Variants in TGFB3 observed in about 807,000 individuals in gnomAD.
TGFB3 encodes transforming growth factor beta 3.
A neutral mutation model predicts 40.1 loss-of-function variants in TGFB3; 5 were observed. The ratio of observed to expected loss-of-function variants is 0.12; its 90% CI spans 0.07 to 0.26. The LOEUF (loss-of-function observed/expected upper bound fraction) is 0.26, where lower values mean the gene tolerates loss of function less well. TGFB3 is among the 10% of genes least tolerant of loss of function. The pLI, the probability that TGFB3 is intolerant of heterozygous loss-of-function variation, is 1.00. For missense variants in TGFB3, 373 were observed against 530.1 expected (o/e 0.70, Z 2.91); for synonymous variants, 184 against 205.6 (o/e 0.89, Z 0.90).
At chr14:75,977,656 CAAAAA>C (rs1196922250) in intron 1 of TGFB3, among the ~76,000 whole-genome samples, 1 of 67,362 alleles carries the variant, frequency 1.5e-5, no homozygotes, top group Non-Finnish European at 3.1e-5. Context: ...ATCTCCCGGG[CAAAAA>C]AAAAAAAAAA....
intron 3 of TGFB3, chr14:75,966,135 G>A (rs2035218353): frequency 3.7e-6 from 1 of 272,398 alleles, no homozygotes; most frequent in South Asian, 4.2e-5. Context: ...AGAGGCAGAG[G>A]GACTGGAAGA....
chr14:75,971,691 A>G lies in TGFB3; in HGVS notation c.380T>C (p.Ile127Thr), dbSNP rs1259454103. 6.2e-7 allele frequency: 1 copy of G among 1,614,234 alleles called. No individual in the cohort carries two copies. Residue 127 changes from isoleucine to threonine, a missense_variant, in exon 2 of 7, where the codon ATT (isoleucine) becomes ACT (threonine). Physicochemically the swap from Ile to Thr is moderately conservative, Grantham distance 89. Transcript: ENST00000238682. The surrounding 1 kb of genome is among the most constrained non-coding windows in gnomAD (Gnocchi z 4.5). ...HNELAVCPKG[I>T]TSKVFRFNVS... ...ATTGAAGCGGAAAACCTTGGAGGTA[A>G]TTCCTTTAGGGCAGACAGCCAGTTC...
rs535851929 is a variant in TGFB3 at position 75,980,394 on chromosome 14, A to G, written c.352+148T>C. ...TTCCCCACCCACCTCCCCAGCCCCA[A>G]CGGAGGAGCATCGCACATCCTGAGC... On this transcript the variant is annotated intron_variant, in intron 1 of 6. Transcript: ENST00000238682. The surrounding 1 kb of genome is among the most constrained non-coding windows in gnomAD (Gnocchi z 4.3). 9.3e-6 allele frequency: 8 copies of G among 861,468 alleles called. No homozygotes were observed. The highest frequency in any genetic ancestry group is 5.0e-5 in the African/African-American group (3 of 60,594). 53.4% of individuals were successfully genotyped at this position (861,468 alleles called of 1,614,324 possible).
intron 3 of TGFB3, among the ~76,000 whole-genome samples, chr14:75,969,639 G>A (rs1402377944): frequency 6.6e-6 from 1 of 152,208 alleles, no homozygotes; most frequent in Non-Finnish European, 1.5e-5. Context: ...GGCAGTGTGT[G>A]GGTAAGATAT....
At chr14:75,966,351 C>T (rs2035221382) in intron 3 of TGFB3, 1 of 159,760 alleles carries the variant, frequency 6.3e-6, no homozygotes, top group Non-Finnish European at 1.4e-5. Flanking sequence ...TGACTGTGGG[C>T]CTAGACAAAG....
At chr14:75,968,261 C>T (rs1023675370) in intron 3 of TGFB3, among the ~76,000 whole-genome samples, 1 of 152,158 alleles carries the variant, frequency 6.6e-6, no homozygotes, top group African/African-American at 2.4e-5. Flanking sequence ...TGGTTTGAAG[C>T]CATGAACTCT....
chr14:75,980,713 C>T lies in TGFB3; in HGVS notation c.181G>A (p.Val61Met). 1 of 1,614,188 alleles carries T rather than the reference C, an allele frequency of 6.2e-7. No individual in the cohort carries two copies. Among genetic ancestry groups the T allele is most frequent in the South Asian group, 1.1e-5 (1 of 91,088 alleles). The change falls in exon 1 of 7, where the codon GTG becomes ATG. Residue 61 changes from valine to methionine, a missense_variant. Val to Met is a conservative substitution (Grantham distance 21). Coordinates refer to ENST00000238682, the MANE Select transcript of TGFB3 (RefSeq NM_003239.5). The surrounding 1 kb of genome is among the most constrained non-coding windows in gnomAD (Gnocchi z 4.3). ...LRLTSPPEPT[V>M]MTHVPYQVLA... ...ACCTGATAGGGGACGTGGGTCATCA[C>T]CGTTGGCTCAGGGGGGCTGGTGAGC...
chr14:75,959,788 A>C (rs2035130920), intron 6 of TGFB3, among the ~76,000 whole-genome samples: 1 of 151,838 alleles, frequency 6.6e-6, no homozygotes, highest in South Asian at 2.1e-4. Flanking sequence ...AAAAAAAAAA[A>C]AACTGTTGGA....
At position 75,958,836 on chromosome 14, in the gene TGFB3, T is replaced by C; in HGVS notation, c.*351A>G. On this transcript the variant is annotated 3_prime_UTR_variant, in exon 7 of 7. Coordinates refer to ENST00000238682, the MANE Select transcript of TGFB3 (RefSeq NM_003239.5). ...GTCTGGCCCTGACCCAGCCATTCTC[T>C]GCCCTTCCTTCTCCCTTTAGGGTAG... is the stretch of plus-strand genomic sequence containing the variant. 5.5e-6 allele frequency: 2 copies of C among 363,218 alleles called. No individual in the cohort carries two copies. Among genetic ancestry groups the C allele is most frequent in the South Asian group, 4.4e-5 (2 of 45,286 alleles). The allele number at this position is 363,218 out of a possible 1,614,324, so 22.5% of individuals were successfully genotyped here.
intron 5 of TGFB3, 86 bp from the exon 6 acceptor site, chr14:75,961,162 T>C: frequency 6.7e-7 from 1 of 1,492,268 alleles, no homozygotes; most frequent in Non-Finnish European, 9.1e-7. Context: ...TCCCTTGGAG[T>C]CCTTTCATGC....
chr14:75,963,930 G>A (rs2035191139), intron 4 of TGFB3, among the ~76,000 whole-genome samples: 1 of 152,086 alleles, frequency 6.6e-6, no homozygotes, highest in Admixed American at 6.5e-5. Flanking sequence ...AGGCTGGAGT[G>A]CAGTGGCCCC....
In TGFB3 at chr14:75,965,577, CATTTT is replaced by C. The variant is rs1414628117; in HGVS notation, c.754+6_754+10del. The C allele has an allele frequency of 5.6e-6, 9 of 1,606,344 alleles. No homozygotes were observed. Among genetic ancestry groups the C allele is most frequent in the Non-Finnish European group, 7.7e-6 (9 of 1,172,946 alleles). ...ACTCACCCATCCTACCATACACATT[CATTTT>C]GTTACCTTTGAATTTGATTTCCATC... On this transcript the variant is annotated splice_donor_region_variant and intron_variant, in intron 4 of 6. Coordinates refer to ENST00000238682, the MANE Select transcript of TGFB3 (RefSeq NM_003239.5).
intron 1 of TGFB3, among the ~76,000 whole-genome samples, chr14:75,973,749 G>A (rs1036054343): frequency 4.0e-5 from 6 of 151,208 alleles, no homozygotes; most frequent in Admixed American, 3.3e-4. Flanking sequence ...TCTGTTTCAA[G>A]TAAATAAATA....
chr14:75,965,759 C>T (rs2035213783), intron 3 of TGFB3, 64 bp from the exon 4 acceptor site: 11 of 1,372,156 alleles, frequency 8.0e-6, no homozygotes, highest in Non-Finnish European at 1.1e-5. Flanking sequence ...GTGCCCACCA[C>T]CCATGCAAGG....
intron 6 of TGFB3, chr14:75,960,482 C>T: frequency 5.1e-6 from 1 of 194,726 alleles, no homozygotes; most frequent in South Asian, 1.0e-4. Context: ...TCTCGGCTAT[C>T]TCACTTTCTG....
At chr14:75,963,242 G>T in intron 5 of TGFB3, 74 bp downstream of exon 5, 1 of 1,574,996 alleles carries the variant, frequency 6.3e-7, no homozygotes, top group Non-Finnish European at 8.7e-7. Context: ...GTGTGGCTTG[G>T]CTCTGGGGCC....
intron 1 of TGFB3, among the ~76,000 whole-genome samples, chr14:75,976,352 G>C (rs545817870): frequency 1.3e-5 from 2 of 152,088 alleles, no homozygotes; most frequent in Non-Finnish European, 2.9e-5. Context: ...TGATTCTAAC[G>C]TGCAGCCAGG....
chr14:75,968,795 C>T lies in TGFB3; in HGVS notation c.646+2331G>A, dbSNP rs76037150. Among the ~76,000 whole-genome samples the T allele has an allele frequency of 1.4e-4, 21 of 152,276 alleles. No individual in the cohort carries two copies. In the East Asian group the frequency reaches 4.1e-3, roughly 29 times the overall value. On this transcript the variant is annotated intron_variant, in intron 3 of 6. Coordinates refer to ENST00000238682, the MANE Select transcript of TGFB3 (RefSeq NM_003239.5). ...GCCAACTCAGCCACTGGATAATTCC[C>T]CTTGGATGGGGAATTTTCTCATTTA...
Position 75,979,381 on chromosome 14 carries a change from T to C in TGFB3, c.352+1161A>G, listed in dbSNP as rs2035394057. Among the ~76,000 whole-genome samples the C allele has an allele frequency of 6.6e-6, 1 of 151,594 alleles. No individual in the cohort carries two copies. The highest frequency in any genetic ancestry group is 2.1e-4 in the South Asian group (1 of 4,798). ...CTCCATCCCATGCCCTCCACCCCAC[T>C]CCAGGAGCTGCCCACCTCCCAGGTG... On this transcript the variant is annotated intron_variant, in intron 1 of 6. Coordinates refer to ENST00000238682, the MANE Select transcript of TGFB3 (RefSeq NM_003239.5). The surrounding 1 kb of genome is among the most constrained non-coding windows in gnomAD (Gnocchi z 4.8).
Sources: allele counts gnomAD v4.1 joint callset (sites outside exome capture counted in the v4.1 genomes callset), GRCh38; gene constraint gnomAD v4.1.1; non-coding constraint Gnocchi (gnomAD v3.1); transcripts MANE v1.5; gene names NCBI Gene and HGNC (gene_info 2026-07-23, HGNC 2026-07-21).